RNF150: variants seen among roughly 807,000 people sequenced by gnomAD.
RNF150 encodes ring finger protein 150.
A neutral mutation model predicts 39.3 loss-of-function variants in RNF150; 24 were observed. That is an observed-to-expected ratio of 0.61 (90% CI 0.44 to 0.86). RNF150 has a LOEUF of 0.86. Ranked by LOEUF, RNF150 falls within the 40% of genes least tolerant of loss-of-function variation. The probability of loss-of-function intolerance (pLI) is 0.00; values close to 1 mark genes in which losing one functional copy is unlikely to be tolerated. For synonymous variants in RNF150, 255 were observed against 227.3 expected (o/e 1.12, Z -1.10); for missense variants, 502 against 587.8 (o/e 0.85, Z 1.51).
At chr4:140,948,588 G>T (rs1259683535) in intron 3 of RNF150, among the ~76,000 whole-genome samples, 1 of 152,046 alleles carries the variant, frequency 6.6e-6, no homozygotes, top group Non-Finnish European at 1.5e-5. Context: ...ATGAATTCGG[G>T]GCTCTGTGTT....
chr4:141,137,448 G>A (rs989853105), upstream of RNF150, among the ~76,000 whole-genome samples: 2 of 152,218 alleles, frequency 1.3e-5, no homozygotes, highest in Admixed American at 1.3e-4. Context: ...GGGATAAACA[G>A]TATTCTCTGA....
Position 140,862,510 on chromosome 4 carries a change from C to T in RNF150, c.*5751G>A, listed in dbSNP as rs1728530570. 1 of 152,144 alleles carries T rather than the reference C, an allele frequency of 6.6e-6. No homozygotes were observed. The highest frequency in any genetic ancestry group is 1.5e-5 in the Non-Finnish European group (1 of 68,036). 9.4% of individuals were successfully genotyped at this position (152,144 alleles called of 1,614,324 possible). A position where few individuals can be genotyped will look rare whatever the true frequency, so the allele number is the denominator to read the frequency against. ...CCACGTCTAGCATCTGGACTTGCTT[C>T]ATTAGTTCTGGGATGATAACTTGGT... On this transcript the variant is annotated 3_prime_UTR_variant, in exon 7 of 7. Transcript: ENST00000515673.
intron 1 of RNF150, among the ~76,000 whole-genome samples, chr4:141,079,025 C>T (rs1019725583): frequency 6.6e-6 from 1 of 151,772 alleles, no homozygotes; most frequent in Non-Finnish European, 1.5e-5. Context: ...ACAGTGACAG[C>T]ATTGGGTTGG....
At chr4:140,933,884 C>T (rs1226214063) in intron 4 of RNF150, among the ~76,000 whole-genome samples, 1 of 152,226 alleles carries the variant, frequency 6.6e-6, no homozygotes, top group Non-Finnish European at 1.5e-5. Flanking sequence ...ACACCAGTCT[C>T]ATCCTACCAT....
chr4:141,050,323 C>A lies in RNF150; in HGVS notation c.484+82002G>T, dbSNP rs1365750626. Among the ~76,000 whole-genome samples the A allele has an allele frequency of 2.0e-5, 3 of 152,070 alleles. No individual in the cohort carries two copies. In the East Asian group the frequency reaches 5.8e-4, roughly 29 times the overall value. ...CAAAAGCAAACCATATCATTCCACT[C>A]CTGGCCCCTCCCAAATCTCATGTCC... is the stretch of plus-strand genomic sequence containing the variant. On this transcript the variant is annotated intron_variant, in intron 1 of 6. Coordinates refer to ENST00000515673, the MANE Select transcript of RNF150 (RefSeq NM_020724.2).
chr4:141,032,105 C>A (rs1314581600), intron 1 of RNF150, among the ~76,000 whole-genome samples: 1 of 151,694 alleles, frequency 6.6e-6, no homozygotes, highest in Non-Finnish European at 1.5e-5. Context: ...AATATTCAGC[C>A]TTAAAAAAGA....
intron 6 of RNF150, among the ~76,000 whole-genome samples, chr4:140,904,890 T>TA (rs1730319161): frequency 6.6e-6 from 1 of 152,196 alleles, no homozygotes; most frequent in Non-Finnish European, 1.5e-5. Context: ...ACCTCCAACT[T>TA]AAAAAATATA....
chr4:140,911,045 A>T (rs539996823), intron 6 of RNF150, 99 bp downstream of exon 6: 1 of 915,090 alleles, frequency 1.1e-6, no homozygotes, highest in East Asian at 2.4e-5. Flanking sequence ...TGATGTACTC[A>T]TTCAATATTT....
chr4:140,943,583 G>A (rs1334172659), intron 4 of RNF150, among the ~76,000 whole-genome samples: 5 of 152,028 alleles, frequency 3.3e-5, no homozygotes, highest in Non-Finnish European at 4.4e-5. Context: ...TTTATACATT[G>A]TGTTATTATT....
chr4:140,981,785 T>C (rs1285549156), intron 1 of RNF150, among the ~76,000 whole-genome samples: 1 of 152,154 alleles, frequency 6.6e-6, no homozygotes, highest in Non-Finnish European at 1.5e-5. Flanking sequence ...ATATCACAAG[T>C]AGTTGAGGAA....
intron 1 of RNF150, among the ~76,000 whole-genome samples, chr4:140,994,331 A>G (rs1258353988): frequency 6.6e-6 from 1 of 152,248 alleles, no homozygotes; most frequent in South Asian, 2.1e-4. Context: ...AAAGGATATG[A>G]CAGAAGGGGT....
intron 1 of RNF150, among the ~76,000 whole-genome samples, chr4:141,088,420 C>A (rs2111000623): frequency 6.6e-6 from 1 of 152,312 alleles, no homozygotes; most frequent in East Asian, 1.9e-4. Context: ...GAACCTGAAC[C>A]TGTTTGTGTA....
intron 1 of RNF150, among the ~76,000 whole-genome samples, chr4:141,011,794 C>T (rs73849460): frequency 0.076 from 11,555 of 152,250 alleles, 494 homozygotes; most frequent in Middle Eastern, 0.16. Flanking sequence ...TTAATAGTCA[C>T]AAATTAGAAT....
intron 6 of RNF150, among the ~76,000 whole-genome samples, chr4:140,903,197 C>T (rs1277759960): frequency 2.6e-5 from 4 of 152,192 alleles, no homozygotes; most frequent in Non-Finnish European, 5.9e-5. Flanking sequence ...GACTAAGACC[C>T]CAAATTTCCT....
At chr4:141,003,760 A>G (rs1011037819) in intron 1 of RNF150, among the ~76,000 whole-genome samples, 7 of 152,212 alleles carry the variant, frequency 4.6e-5, no homozygotes, top group African/African-American at 1.4e-4. Flanking sequence ...TCAGGACTAC[A>G]GATGATAGAA....
chr4:141,045,979 T>G (rs1736560189), intron 1 of RNF150, among the ~76,000 whole-genome samples: 1 of 152,172 alleles, frequency 6.6e-6, no homozygotes, highest in Non-Finnish European at 1.5e-5. Context: ...GACACACTTC[T>G]TGGTCAAGGT....
intron 1 of RNF150, among the ~76,000 whole-genome samples, chr4:141,085,702 G>A (rs1025093320): frequency 6.6e-6 from 1 of 152,122 alleles, no homozygotes; most frequent in African/African-American, 2.4e-5. Context: ...TAGGTTCTGG[G>A]GCAGTTGTTT....
At chr4:141,053,696 T>C in intron 1 of RNF150, 3 of 1,410,182 alleles carry the variant, frequency 2.1e-6, no homozygotes, top group Non-Finnish European at 2.8e-6. Flanking sequence ...CATGGTGAAA[T>C]CAGCTTCAGG....
chr4:141,082,820 C>T (rs1738212293), intron 1 of RNF150, among the ~76,000 whole-genome samples: 1 of 152,080 alleles, frequency 6.6e-6, no homozygotes, highest in South Asian at 2.1e-4. Flanking sequence ...GATCTCCTGA[C>T]CTCGTGATCC....
Sources: allele counts gnomAD v4.1 joint callset (sites outside exome capture counted in the v4.1 genomes callset), GRCh38; gene constraint gnomAD v4.1.1; transcripts MANE v1.5; gene names NCBI Gene and HGNC (gene_info 2026-07-23, HGNC 2026-07-21).